PPM1A: variants seen among roughly 807,000 people sequenced by gnomAD.
PPM1A encodes the protein protein phosphatase, Mg2+/Mn2+ dependent 1A.
Under a neutral mutation model 35.0 loss-of-function variants are expected in PPM1A, and 7 were observed. That is an observed-to-expected ratio of 0.20 (90% CI 0.11 to 0.38). The LOEUF (loss-of-function observed/expected upper bound fraction) is 0.38. PPM1A is among the 10% of genes least tolerant of loss of function. PPM1A has a pLI of 1.00. For synonymous variants in PPM1A, 153 were observed against 167.3 expected (o/e 0.91, Z 0.66); for missense variants, 239 against 467.8 (o/e 0.51, Z 4.51).
intron 1 of PPM1A, among the ~76,000 whole-genome samples, chr14:60,255,115 T>G (rs1882903325): frequency 6.6e-6 from 1 of 152,042 alleles, no homozygotes; most frequent in Non-Finnish European, 1.5e-5. Context: ...AATCTCTCCT[T>G]TCTCTGTACT....
intron 1 of PPM1A, among the ~76,000 whole-genome samples, chr14:60,264,415 A>G (rs1218443387): frequency 6.6e-6 from 1 of 152,028 alleles, no homozygotes; most frequent in East Asian, 1.9e-4. Context: ...TTCAAAATGG[A>G]TATAAAATTG....
At chr14:60,266,765 G>A (rs1316142020) in intron 1 of PPM1A, among the ~76,000 whole-genome samples, 3 of 152,102 alleles carry the variant, frequency 2.0e-5, no homozygotes, top group African/African-American at 7.2e-5. Flanking sequence ...TTTTAAGAAT[G>A]TTTTGGCTAT....
intron 1 of PPM1A, among the ~76,000 whole-genome samples, chr14:60,258,791 C>G (rs1270487067): frequency 1.3e-5 from 2 of 152,054 alleles, no homozygotes; most frequent in Admixed American, 1.3e-4. Flanking sequence ...TGTTATTCAT[C>G]TGTCTCATGT....
At position 60,269,963 on chromosome 14, in the gene PPM1A, A is replaced by G. The variant is rs139905668; in HGVS notation, c.-20-12721A>G. Among the ~76,000 whole-genome samples the G allele has an allele frequency of 6.8e-3, 1,039 of 152,356 alleles. 20 individuals are homozygous for G. Among genetic ancestry groups the G allele is most frequent in the African/African-American group, 0.023 (976 of 41,578 alleles). ...TCTAGTACTTGATAAACGCCATTCA[A>G]TCACCAAGTTCAGTCTTTAGTTTAT... is the stretch of plus-strand genomic sequence containing the variant. On this transcript the variant is annotated intron_variant, in intron 1 of 5. Coordinates refer to ENST00000395076, the MANE Select transcript of PPM1A (RefSeq NM_021003.5).
Position 60,292,366 on chromosome 14 carries a change from T to C in PPM1A, c.1120-87T>C. ...TCTAAAAGTCATCTTTACAGAACATTATCTTTCTCCATTATCCAGAAAGTA... is the reference window on the plus strand; with the variant it reads ...TCTAAAAGTCATCTTTACAGAACATCATCTTTCTCCATTATCCAGAAAGTA... On this transcript the variant is annotated intron_variant, in intron 5 of 5. Coordinates refer to ENST00000395076, the MANE Select transcript of PPM1A (RefSeq NM_021003.5). This position sits in a 1 kb window ranked among gnomAD's most constrained non-coding sequence, Gnocchi z 4.2. 2.0e-6 allele frequency: 2 copies of C among 994,614 alleles called. No individual in the cohort carries two copies. The highest frequency in any genetic ancestry group is 3.2e-6 in the Non-Finnish European group (2 of 633,098). The allele number at this position is 994,614 out of a possible 1,614,324, so 61.6% of individuals were successfully genotyped here.
At chr14:60,279,892 TAATATC>T (rs1474320212) in intron 1 of PPM1A, among the ~76,000 whole-genome samples, 1 of 152,190 alleles carries the variant, frequency 6.6e-6, no homozygotes, top group Admixed American at 6.5e-5. Flanking sequence ...AATTATATAA[TAATATC>T]TATATTATAT....
rs1481554652 is a variant in PPM1A at position 60,249,419 on chromosome 14, TC to T, written c.-277del. 3 of 984,472 alleles carry T rather than the reference TC, an allele frequency of 3.0e-6. No individual in the cohort carries two copies. Among genetic ancestry groups the T allele is most frequent in the African/African-American group, 1.8e-5 (1 of 57,074 alleles). The allele number at this position is 984,472 out of a possible 1,614,324, so 61.0% of individuals were successfully genotyped here. On this transcript the variant is annotated 5_prime_UTR_variant, in exon 1 of 6. It introduces an in-frame stop codon into an upstream open reading frame of the 5' UTR. Transcript: ENST00000395076. This position sits in a 1 kb window ranked among gnomAD's most constrained non-coding sequence, Gnocchi z 4.5. The stretch of plus-strand genomic sequence containing the variant: ...AAAGCGATGAGTCCTCGGCTCTTCC[TC>T]CTCCTTCTCCGGGACCCGCTCTCTG...
At chr14:60,251,993 A>G (rs1423136144) in intron 1 of PPM1A, among the ~76,000 whole-genome samples, 1 of 152,070 alleles carries the variant, frequency 6.6e-6, no homozygotes, top group Non-Finnish European at 1.5e-5. Context: ...GTCTTGTTAA[A>G]CCTTTGAAAA....
At chr14:60,284,720 T>TATATAC (rs1440853373) in intron 2 of PPM1A, among the ~76,000 whole-genome samples, 19 of 122,314 alleles carry the variant, frequency 1.6e-4, no homozygotes, top group African/African-American at 2.6e-4. Flanking sequence ...TATATATATA[T>TATATAC]ACATATATAT....
rs1887694999 is a variant in PPM1A, at chr14:60,292,170, C to CT, written c.1120-278dup. 6.6e-6 allele frequency among the ~76,000 whole-genome samples: 1 copy of CT among 151,776 alleles called. No homozygotes were observed. The highest frequency in any genetic ancestry group is 2.1e-4 in the South Asian group (1 of 4,828). On this transcript the variant is annotated intron_variant, in intron 5 of 5. Transcript: ENST00000395076. This position sits in a 1 kb window ranked among gnomAD's most constrained non-coding sequence, Gnocchi z 4.2. ...CTGTATTGGATTTCATTAAAAAATTCTTTTTAGTAGATTTATTGATTGAGT... is the reference window on the plus strand; with the variant it reads ...CTGTATTGGATTTCATTAAAAAATTCTTTTTTAGTAGATTTATTGATTGAGT...
rs945792260 is a variant in PPM1A at position 60,283,324 on chromosome 14, A to G, written c.621A>G (p.Gly207=). ...ATTTTGATTACAAATGTGTCCATGGAAAAGGTCCTACTGAGCAGCTTGTCT... is the reference window on the plus strand; with the variant it reads ...ATTTTGATTACAAATGTGTCCATGGGAAAGGTCCTACTGAGCAGCTTGTCT... The part of the protein sequence containing the change: ...LGDFDYKCVH[G]KGPTEQLVSP... The change falls in exon 2 of 6, where the codon GGA becomes GGG. Residue 207 remains glycine (G), a synonymous_variant. Transcript: ENST00000395076. The surrounding 1 kb of genome is among the most constrained non-coding windows in gnomAD (Gnocchi z 6.3). The G allele has an allele frequency of 6.8e-6, 11 of 1,614,060 alleles. No homozygotes were observed. Among genetic ancestry groups the G allele is most frequent in the East Asian group, 6.7e-5 (3 of 44,892 alleles).
At chr14:60,287,808 T>C in intron 3 of PPM1A, 3 of 983,170 alleles carry the variant, frequency 3.1e-6, no homozygotes, top group Non-Finnish European at 2.4e-6. Context: ...TTTAAAATTA[T>C]ACTTTTGTGT....
intron 1 of PPM1A, among the ~76,000 whole-genome samples, chr14:60,279,279 C>G (rs571808301): frequency 7.2e-5 from 11 of 152,210 alleles, no homozygotes; most frequent in African/African-American, 2.6e-4. Context: ...CCACCACACC[C>G]GGCTAATTTT....
intron 1 of PPM1A, among the ~76,000 whole-genome samples, chr14:60,271,378 G>A (rs1885088190): frequency 6.6e-6 from 1 of 152,010 alleles, no homozygotes; most frequent in Admixed American, 6.5e-5. Flanking sequence ...ATTAGGACTG[G>A]TATCTTTGGG....
At position 60,296,221 on chromosome 14, in the gene PPM1A, T is replaced by C. The variant is rs1888054873; in HGVS notation, c.*3739T>C. 6.6e-6 allele frequency: 1 copy of C among 151,814 alleles called. No individual in the cohort carries two copies. The highest frequency in any genetic ancestry group is 2.4e-5 in the African/African-American group (1 of 41,408). 9.4% of individuals were successfully genotyped at this position (151,814 alleles called of 1,614,324 possible). A position where few individuals can be genotyped will look rare whatever the true frequency, so the allele number is the denominator to read the frequency against. ...AAATTATTACTATGTGTTTTAATAT[T>C]TTAAAATAATTTCACTGCCCATCTT... On this transcript the variant is annotated 3_prime_UTR_variant, in exon 6 of 6. Transcript: ENST00000395076. The surrounding 1 kb of genome is among the most constrained non-coding windows in gnomAD (Gnocchi z 4.4).
chr14:60,248,865 C>T (rs1430749840), upstream of PPM1A: 1 of 152,358 alleles, frequency 6.6e-6, no homozygotes, highest in Admixed American at 6.5e-5. Context: ...TACTGGGCAC[C>T]TAATAGCCGC....
chr14:60,261,755 A>G (rs546939006), intron 1 of PPM1A, among the ~76,000 whole-genome samples: 1 of 152,342 alleles, frequency 6.6e-6, no homozygotes, highest in African/African-American at 2.4e-5. Context: ...CAGCTTCCAA[A>G]GAAAATCATA....
At position 60,293,914 on chromosome 14, in the gene PPM1A, G is replaced by T. The variant is rs924905382; in HGVS notation, c.*1432G>T. ...GTGAAAGTAAGTTTTAAAATCTGTC[G>T]CATTGAAAAGATTACTGTTCCGTGC... is the stretch of plus-strand genomic sequence containing the variant. On this transcript the variant is annotated 3_prime_UTR_variant, in exon 6 of 6. Coordinates refer to ENST00000395076, the MANE Select transcript of PPM1A (RefSeq NM_021003.5). This position sits in a 1 kb window ranked among gnomAD's most constrained non-coding sequence, Gnocchi z 4.0. 2 of 151,828 alleles carry T rather than the reference G, an allele frequency of 1.3e-5. No homozygotes were observed. Among genetic ancestry groups the T allele is most frequent in the African/African-American group, 2.4e-5 (1 of 41,368 alleles). 9.4% of individuals were successfully genotyped at this position (151,828 alleles called of 1,614,324 possible).
At chr14:60,267,509 A>G (rs747836039) in intron 1 of PPM1A, among the ~76,000 whole-genome samples, 1 of 152,018 alleles carries the variant, frequency 6.6e-6, no homozygotes, top group Non-Finnish European at 1.5e-5. Flanking sequence ...TGTTTGGACT[A>G]TAGTTTTATT....
Sources: gnomAD v4.1 joint callset for allele counts (sites outside exome capture counted in the v4.1 genomes callset) on GRCh38, gnomAD v4.1.1 for gene constraint, Gnocchi (gnomAD v3.1) non-coding constraint, MANE v1.5 for transcripts, NCBI Gene and HGNC (gene_info 2026-07-23, HGNC 2026-07-21) for gene names.